The following TAFA2 variants were observed in gnomAD, a reference collection of about 807,000 sequenced individuals.
The protein encoded by TAFA2 is TAFA chemokine like family member 2, also known as chemokine-like protein TAFA-2.
In TAFA2, 7 loss-of-function variants were observed where a neutral mutation model predicts 18.8. The ratio of observed to expected loss-of-function variants is 0.37; its 90% confidence interval spans 0.21 to 0.70. The LOEUF (loss-of-function observed/expected upper bound fraction) is 0.70, where lower values mean the gene tolerates loss of function less well. Among genes scored for constraint, TAFA2 ranks in the 30% least tolerant of loss-of-function variants. The probability of loss-of-function intolerance (pLI) is 0.53; values close to 1 mark genes in which losing one functional copy is unlikely to be tolerated. For missense variants in TAFA2, 122 were observed against 158.1 expected, an observed-to-expected ratio of 0.77 and a Z score of 1.23; for synonymous variants, 60 against 54.2, an observed-to-expected ratio of 1.11 and a Z score of -0.47.
chr12:61,996,823 T>G (rs191865610), intron 1 of TAFA2, among the ~76,000 whole-genome samples: 17 of 152,254 alleles, frequency 1.1e-4, no homozygotes, highest in African/African-American at 3.1e-4. Context: ...CAAAGTCTAT[T>G]TCTCTATTTT....
At chr12:62,257,161 T>TATGTGTGTGTATATGTATATGTACACA (rs151226802) in intron 1 of TAFA2, among the ~76,000 whole-genome samples, 1 of 53,558 alleles carries the variant, frequency 1.9e-5, no homozygotes, top group Non-Finnish European at 4.0e-5. Context: ...TATACATATA[T>TATGTGTGTGTATATGTATATGTACACA]ATGTGTGTGT....
At chr12:62,195,071 G>A (rs1270851), upstream of TAFA2, among the ~76,000 whole-genome samples, 1 of 152,302 alleles carries the variant, frequency 6.6e-6, no homozygotes, top group South Asian at 2.1e-4. Context: ...GGTTGCTGAA[G>A]GTTGGAATTG....
intron 1 of TAFA2, among the ~76,000 whole-genome samples, chr12:62,161,877 G>C (rs1362394960): frequency 6.6e-6 from 1 of 152,070 alleles, no homozygotes; most frequent in South Asian, 2.1e-4. Flanking sequence ...TTAGAAATTT[G>C]ATGATGTTTT....
intron 1 of TAFA2, among the ~76,000 whole-genome samples, chr12:62,167,270 T>A (rs1299839489): frequency 6.6e-6 from 1 of 152,168 alleles, no homozygotes. Flanking sequence ...TGTCTTGTTT[T>A]CAACGTAAAT....
chr12:61,924,037 G>GAA (rs34163308), intron 1 of TAFA2, among the ~76,000 whole-genome samples: 16 of 145,060 alleles, frequency 1.1e-4, no homozygotes, highest in Admixed American at 7.6e-4. Flanking sequence ...AGATTAGAGA[G>GAA]AAAAAAAAAA....
At chr12:62,233,956 T>C (rs2136985596) in intron 1 of TAFA2, among the ~76,000 whole-genome samples, 1 of 152,304 alleles carries the variant, frequency 6.6e-6, no homozygotes. Context: ...GAGGCCCAGA[T>C]AAGCTTGAGC....
chr12:61,928,695 A>C (rs1877416662), intron 1 of TAFA2, among the ~76,000 whole-genome samples: 1 of 152,188 alleles, frequency 6.6e-6, no homozygotes, highest in Non-Finnish European at 1.5e-5. Context: ...AAATCATTCT[A>C]CTAAAAAGAC....
chr12:62,037,959 T>C (rs1881653819), intron 1 of TAFA2, among the ~76,000 whole-genome samples: 1 of 152,160 alleles, frequency 6.6e-6, no homozygotes, highest in Non-Finnish European at 1.5e-5. Context: ...AACATCCATA[T>C]CCACATGAAC....
At chr12:62,234,380 C>T in intron 1 of TAFA2, 35 of 648,940 alleles carry the variant, frequency 5.4e-5, no homozygotes, top group South Asian at 4.7e-4. Context: ...CCTCTTCCTT[C>T]ATTCACCTAA....
chr12:62,237,645 T>A (rs1212173285), intron 1 of TAFA2, among the ~76,000 whole-genome samples: 3 of 152,250 alleles, frequency 2.0e-5, no homozygotes, highest in Non-Finnish European at 4.4e-5. Context: ...ATTCTAGTCT[T>A]TGCTATCTGG....
At chr12:61,938,230 T>TAAAAAAAAAAAA (rs1157161976) in intron 1 of TAFA2, among the ~76,000 whole-genome samples, 11 of 98,484 alleles carry the variant, frequency 1.1e-4, no homozygotes, top group African/African-American at 3.8e-4. Flanking sequence ...ATAGATATGG[T>TAAAAAAAAAAAA]AAAAAAAAAA....
At chr12:62,077,918 A>T (rs972669082) in intron 1 of TAFA2, among the ~76,000 whole-genome samples, 2 of 152,140 alleles carry the variant, frequency 1.3e-5, no homozygotes, top group African/African-American at 2.4e-5. Flanking sequence ...CTCTACTTCT[A>T]AATTATTATA....
At chr12:61,962,654 T>C (rs1878927286) in intron 1 of TAFA2, among the ~76,000 whole-genome samples, 1 of 152,032 alleles carries the variant, frequency 6.6e-6, no homozygotes, top group African/African-American at 2.4e-5. Flanking sequence ...AAAAAGTCAA[T>C]TTTGTGCATA....
intron 1 of TAFA2, among the ~76,000 whole-genome samples, chr12:62,128,399 C>G (rs1372288116): frequency 1.3e-5 from 2 of 151,996 alleles, no homozygotes; most frequent in African/African-American, 2.4e-5. Flanking sequence ...ATAAATTAAG[C>G]TTGTGTTTAC....
chr12:61,979,952 T>C (rs777582639), intron 1 of TAFA2, among the ~76,000 whole-genome samples: 2 of 152,264 alleles, frequency 1.3e-5, no homozygotes, highest in African/African-American at 4.8e-5. Flanking sequence ...ATAGGCAAGA[T>C]TTACCAGTGC....
At chr12:62,031,478 C>T (rs569978463) in intron 1 of TAFA2, among the ~76,000 whole-genome samples, 111 of 152,062 alleles carry the variant, frequency 7.3e-4, no homozygotes, top group African/African-American at 2.6e-3. Flanking sequence ...ACTTAATAAA[C>T]TCCCCTTTAT....
At chr12:62,095,388 C>T (rs190592491) in intron 1 of TAFA2, among the ~76,000 whole-genome samples, 2 of 152,162 alleles carry the variant, frequency 1.3e-5, no homozygotes, top group East Asian at 3.9e-4. Context: ...AAACATGACA[C>T]TGTGATAGAG....
intron 1 of TAFA2, among the ~76,000 whole-genome samples, chr12:62,145,055 C>T (rs1412598758): frequency 6.6e-6 from 1 of 152,204 alleles, no homozygotes; most frequent in Non-Finnish European, 1.5e-5. Context: ...TCATTTAACA[C>T]CTTAGGTAGA....
chr12:62,136,847 G>A (rs979392806), intron 1 of TAFA2, among the ~76,000 whole-genome samples: 1 of 152,128 alleles, frequency 6.6e-6, no homozygotes, highest in Admixed American at 6.6e-5. Context: ...TGTTTGGGGG[G>A]ACATGCACCC....
Sources: allele counts gnomAD v4.1 joint callset (sites outside exome capture counted in the v4.1 genomes callset), GRCh38; gene constraint gnomAD v4.1.1; transcripts MANE v1.5; gene names NCBI Gene and HGNC (gene_info 2026-07-23, HGNC 2026-07-21).